LY86: variants seen among roughly 807,000 people sequenced by gnomAD.
LY86 encodes lymphocyte antigen 86.
A neutral mutation model predicts 17.3 loss-of-function variants in LY86; 20 were observed. The ratio of observed to expected loss-of-function variants is 1.15; its 90% CI spans 0.81 to 1.68. The LOEUF (loss-of-function observed/expected upper bound fraction) is 1.68. Ranked by LOEUF, LY86 falls within the 40% of genes most tolerant of loss-of-function variation. The pLI, the probability that LY86 is intolerant of heterozygous loss-of-function variation, is 0.00. For synonymous variants in LY86, 74 were observed against 70.6 expected (o/e 1.05, Z -0.24); for missense variants, 200 against 191.9 (o/e 1.04, Z -0.25).
At chr6:6,598,607 C>T (rs1212267445) in intron 1 of LY86, among the ~76,000 whole-genome samples, 1 of 152,210 alleles carries the variant, frequency 6.6e-6, no homozygotes, top group East Asian at 1.9e-4. Context: ...ATGCCTCTTC[C>T]TTCACAAAGT....
At chr6:6,652,724 G>C (rs1762206033) in intron 4 of LY86, among the ~76,000 whole-genome samples, 1 of 152,092 alleles carries the variant, frequency 6.6e-6, no homozygotes, top group South Asian at 2.1e-4. Flanking sequence ...CCCTACCCTG[G>C]CCTCCTGGCC....
chr6:6,626,485 C>A, intron 3 of LY86, 64 bp downstream of exon 3: 2 of 1,590,014 alleles, frequency 1.3e-6, no homozygotes, highest in South Asian at 1.1e-5. Context: ...GAACTTGCAT[C>A]TGAGGCCAGG....
intron 3 of LY86, among the ~76,000 whole-genome samples, chr6:6,648,460 C>T (rs550186224): frequency 1.2e-4 from 19 of 152,274 alleles, no homozygotes; most frequent in Non-Finnish European, 8.8e-5. Context: ...CTCCTAATTT[C>T]CTAAACTCTT....
At position 6,626,293 on chromosome 6, in the gene LY86, G is replaced by A; in HGVS notation, c.224G>A (p.Arg75Lys). Residue 75 changes from arginine (R) to lysine (K), a missense_variant and splice_region_variant, in exon 3 of 5, where the codon AGA becomes AAA. Arg to Lys is a conservative substitution (Grantham distance 26, BLOSUM62 2). Transcript: ENST00000230568. The part of the protein sequence containing the change: ...NINIRFGIIL[R>K]EDIKELFLDL... ...AAAGCTGTTCTTCTCTTTCCTCCAG[G>A]AGAGGACATCAAAGAGCTTTTTCTT... 3.1e-6 allele frequency: 5 copies of A among 1,613,662 alleles called. No individual in the cohort carries two copies. The highest frequency in any genetic ancestry group is 4.2e-6 in the Non-Finnish European group (5 of 1,179,936).
chr6:6,606,694 G>A (rs935986988), intron 1 of LY86, among the ~76,000 whole-genome samples: 21 of 152,206 alleles, frequency 1.4e-4, no homozygotes, highest in Non-Finnish European at 1.2e-4. Flanking sequence ...TCACTACCCG[G>A]GGCTTGCGGG....
chr6:6,604,239 G>A (rs1353488416), intron 1 of LY86, among the ~76,000 whole-genome samples: 1 of 151,938 alleles, frequency 6.6e-6, no homozygotes, highest in Non-Finnish European at 1.5e-5. Context: ...ACCACCATGA[G>A]GAAGAGTCAG....
rs2233128 is a variant in LY86, at chr6:6,654,666, G to A, written c.*39G>A. Reference sequence around the variant, plus strand: ...CAAAAATCACAGCCAGCTGCATCTCGTGGGACCTCCAAGCTCCTCTGACTG... The same window carrying A: ...CAAAAATCACAGCCAGCTGCATCTCATGGGACCTCCAAGCTCCTCTGACTG... On this transcript the variant is annotated 3_prime_UTR_variant, in exon 5 of 5. Transcript: ENST00000230568. 1.1e-3 allele frequency: 1,730 copies of A among 1,549,500 alleles called. 21 individuals are homozygous for A. The East Asian group carries it at 0.026, about 23-fold the overall frequency.
At chr6:6,644,605 T>C (rs1477594034) in intron 3 of LY86, among the ~76,000 whole-genome samples, 1 of 151,618 alleles carries the variant, frequency 6.6e-6, no homozygotes, top group Non-Finnish European at 1.5e-5. Context: ...AAACCAATTT[T>C]CTTTTCAAAA....
chr6:6,641,310 C>T (rs772421131), intron 3 of LY86, among the ~76,000 whole-genome samples: 7 of 152,210 alleles, frequency 4.6e-5, no homozygotes, highest in Non-Finnish European at 8.8e-5. Context: ...TCTACTTATG[C>T]ACTATTGGAC....
chr6:6,623,445 C>G (rs1399584753), intron 1 of LY86, among the ~76,000 whole-genome samples: 1 of 152,170 alleles, frequency 6.6e-6, no homozygotes, highest in African/African-American at 2.4e-5. Context: ...AGTGACACTC[C>G]CAGCAAGTAC....
Position 6,607,902 on chromosome 6 carries a change from A to G in LY86, c.137-17024A>G, listed in dbSNP as rs551151331. 2.1e-5 allele frequency among the ~76,000 whole-genome samples: 3 copies of G among 142,292 alleles called. No individual in the cohort carries two copies. The South Asian group carries it at 6.2e-4, about 29-fold the overall frequency. The allele number at this position is 142,292 out of a possible 152,430, so 93.3% of individuals were successfully genotyped here. The stretch of plus-strand genomic sequence containing the variant: ...AGAATAAGACTCCATCTCAAAAAAT[A>G]AAAATAAAAATAAAAAAATAAATCA... On this transcript the variant is annotated intron_variant, in intron 1 of 4. Coordinates refer to ENST00000230568, the MANE Select transcript of LY86 (RefSeq NM_004271.4).
chr6:6,612,403 C>G (rs984420689), intron 1 of LY86, among the ~76,000 whole-genome samples: 1 of 152,300 alleles, frequency 6.6e-6, no homozygotes, highest in East Asian at 1.9e-4. Flanking sequence ...CCAGTGGGTA[C>G]CTAGTCTCAC....
chr6:6,601,317 C>T (rs1186327815), intron 1 of LY86, among the ~76,000 whole-genome samples: 1 of 152,158 alleles, frequency 6.6e-6, no homozygotes, highest in Non-Finnish European at 1.5e-5. Flanking sequence ...TCATCCCCTA[C>T]ATCTCAACCA....
At chr6:6,643,510 G>A (rs1762068241) in intron 3 of LY86, among the ~76,000 whole-genome samples, 1 of 152,206 alleles carries the variant, frequency 6.6e-6, no homozygotes, top group Admixed American at 6.5e-5. Flanking sequence ...TAGGGAGCAT[G>A]GGAAAGGAAG....
At position 6,627,343 on chromosome 6, in the gene LY86, G is replaced by A. The variant is rs567213351; in HGVS notation, c.352+922G>A. On this transcript the variant is annotated intron_variant, in intron 3 of 4. Transcript: ENST00000230568. ...TTAAATGAAAGATCTAGAAGAAATT[G>A]GAATCTCCTTTCTACAGTGAGGGAT... is the stretch of plus-strand genomic sequence containing the variant. 3.9e-5 allele frequency among the ~76,000 whole-genome samples: 6 copies of A among 152,312 alleles called. No homozygotes were observed. In the South Asian group the frequency reaches 1.2e-3, roughly 32 times the overall value.
chr6:6,651,821 C>T (rs997906817), intron 4 of LY86, among the ~76,000 whole-genome samples: 4 of 151,854 alleles, frequency 2.6e-5, no homozygotes, highest in African/African-American at 9.7e-5. Context: ...TTTCGGAGGC[C>T]GAGGCAGACA....
chr6:6,611,595 A>G (rs964726962), intron 1 of LY86, among the ~76,000 whole-genome samples: 1 of 152,234 alleles, frequency 6.6e-6, no homozygotes, highest in Admixed American at 6.5e-5. Context: ...TCCAAGGCAA[A>G]GCGCTGCTAC....
intron 1 of LY86, among the ~76,000 whole-genome samples, chr6:6,592,642 G>T (rs1760564483): frequency 6.6e-6 from 1 of 152,196 alleles, no homozygotes; most frequent in Non-Finnish European, 1.5e-5. Flanking sequence ...GAAGTGATTA[G>T]ATCATGAGAA....
chr6:6,599,416 A>ACTTTGGTC (rs1760827900), intron 1 of LY86, among the ~76,000 whole-genome samples: 1 of 152,166 alleles, frequency 6.6e-6, no homozygotes, highest in African/African-American at 2.4e-5. Context: ...GTCGTAGAGG[A>ACTTTGGTC]CTTTGGTCTT....
Sources: gnomAD v4.1 joint callset for allele counts (sites outside exome capture counted in the v4.1 genomes callset) on GRCh38, gnomAD v4.1.1 for gene constraint, MANE v1.5 for transcripts, NCBI Gene and HGNC (gene_info 2026-07-23, HGNC 2026-07-21) for gene names.